Variants in ATP11B observed in about 807,000 individuals in gnomAD.
ATP11B encodes phospholipid-transporting ATPase IF.
A neutral mutation model predicts 157.8 loss-of-function variants in ATP11B; 81 were observed. The observed-to-expected ratio is 0.51, with a 90% confidence interval of 0.43 to 0.62. The LOEUF is 0.62. ATP11B is among the 20% of genes least tolerant of loss of function. The pLI, the probability that ATP11B is intolerant of heterozygous loss-of-function variation, is 0.00. For missense variants in ATP11B, 1,165 were observed against 1,402.2 expected (o/e 0.83, Z 2.70); for synonymous variants, 451 against 469.4 (o/e 0.96, Z 0.51).
At chr3:182,916,725 T>A (rs1725165967) in intron 29 of ATP11B, 7 of 983,896 alleles carry the variant, frequency 7.1e-6, no homozygotes, top group East Asian at 1.1e-4. Context: ...TGAAAAAAAA[T>A]TTAAAATGAA....
chr3:182,829,626 C>A, intron 3 of ATP11B, 46 bp from the exon 4 acceptor site: 1 of 1,293,276 alleles, frequency 7.7e-7, no homozygotes, highest in Non-Finnish European at 1.1e-6. Flanking sequence ...GTGTGATGTG[C>A]ACAATATAAA....
intron 17 of ATP11B, among the ~76,000 whole-genome samples, chr3:182,870,703 G>A (rs1041579459): frequency 1.3e-5 from 2 of 152,112 alleles, no homozygotes; most frequent in Admixed American, 1.3e-4. Flanking sequence ...GCTGGGCGCG[G>A]TGGCTCACAC....
At chr3:182,899,461 T>C (rs1262557034) in intron 28 of ATP11B, among the ~76,000 whole-genome samples, 2 of 152,144 alleles carry the variant, frequency 1.3e-5, no homozygotes, top group African/African-American at 4.8e-5. Context: ...GAGTAATATT[T>C]TTTCTGATTA....
At chr3:182,916,647 A>G (rs993583357) in intron 29 of ATP11B, 1 of 983,612 alleles carries the variant, frequency 1.0e-6, no homozygotes, top group African/African-American at 1.7e-5. Context: ...ATAGAAAGTA[A>G]TATGTAGTTC....
At chr3:182,842,150 A>C in intron 8 of ATP11B, 28 bp downstream of exon 8, 2 of 1,515,942 alleles carry the variant, frequency 1.3e-6, no homozygotes, top group Non-Finnish European at 1.8e-6. Context: ...TTATCTAATT[A>C]CCTTTAAATG....
chr3:182,847,086 T>C lies in ATP11B; in HGVS notation c.770-1390T>C, dbSNP rs567359144. On this transcript the variant is annotated intron_variant, in intron 9 of 29. Coordinates refer to ENST00000323116, the MANE Select transcript of ATP11B (RefSeq NM_014616.3). The stretch of plus-strand genomic sequence containing the variant: ...TTTTTTTTTTGAGACATGGTTACTC[T>C]GTTGCCCAGGCTGGAGTATAGTTGC... 1.8e-4 allele frequency among the ~76,000 whole-genome samples: 27 copies of C among 150,952 alleles called. No homozygotes were observed. In the South Asian group the frequency reaches 5.7e-3, roughly 32 times the overall value.
In ATP11B at chr3:182,870,702, G is replaced by A. The variant is rs75495531; in HGVS notation, c.1866+1371G>A. On this transcript the variant is annotated intron_variant, in intron 17 of 29. Coordinates refer to ENST00000323116, the MANE Select transcript of ATP11B (RefSeq NM_014616.3). ...AAATCTGCTAAATAGGGCTGGGCGC[G>A]GTGGCTCACACCTGTAATCCCAGCA... Among the ~76,000 whole-genome samples, 844 of 152,084 alleles carry A rather than the reference G, an allele frequency of 5.5e-3. 5 individuals are homozygous for A. The highest frequency in any genetic ancestry group is 0.018 in the African/African-American group (762 of 41,480).
At chr3:182,840,470 G>A (rs569718243) in intron 7 of ATP11B, among the ~76,000 whole-genome samples, 1 of 151,390 alleles carries the variant, frequency 6.6e-6, no homozygotes, top group Admixed American at 6.6e-5. Flanking sequence ...CTCTATCCCA[G>A]ACTTCTTTCC....
chr3:182,820,473 C>T (rs1482764120), intron 2 of ATP11B, 97 bp downstream of exon 2: 4 of 826,542 alleles, frequency 4.8e-6, no homozygotes, highest in Non-Finnish European at 8.0e-6. Context: ...CGGTTAAGCC[C>T]AGGAGTTTGC....
chr3:182,904,212 C>G (rs946632292), intron 28 of ATP11B, among the ~76,000 whole-genome samples: 2 of 152,188 alleles, frequency 1.3e-5, no homozygotes, highest in African/African-American at 4.8e-5. Context: ...CACCTCTGGG[C>G]CTCCAGGTTC....
intron 2 of ATP11B, among the ~76,000 whole-genome samples, chr3:182,822,762 C>T (rs1456730441): frequency 1.3e-5 from 2 of 152,334 alleles, no homozygotes; most frequent in African/African-American, 4.8e-5. Flanking sequence ...TATTTCTCCA[C>T]ATCCTCTCCA....
In ATP11B at chr3:182,836,354, G is replaced by A. The variant is rs1159387053; in HGVS notation, c.436G>A (p.Val146Ile). ...AAATTCTTTATAGGTGGGTGATATT[G>A]TTCGAATAGCCAAAGATGAAATTTT... is the stretch of plus-strand genomic sequence containing the variant. Reference protein sequence around the residue: ...RSKNIRVGDIVRIAKDEIFPA... With the variant: ...RSKNIRVGDIIRIAKDEIFPA... Residue 146 changes from valine to isoleucine, a missense_variant, in exon 6 of 30, where the codon GTT becomes ATT. Val to Ile is a conservative substitution (Grantham distance 29). Coordinates refer to ENST00000323116, the MANE Select transcript of ATP11B (RefSeq NM_014616.3). 6.2e-7 allele frequency: 1 copy of A among 1,613,752 alleles called. No homozygotes were observed. Among genetic ancestry groups the A allele is most frequent in the East Asian group, 2.2e-5 (1 of 44,874 alleles).
At position 182,852,373 on chromosome 3, in the gene ATP11B, C is replaced by T. The variant is rs373028351; in HGVS notation, c.851+3816C>T. Among the ~76,000 whole-genome samples, 9 of 152,210 alleles carry T rather than the reference C, an allele frequency of 5.9e-5. No homozygotes were observed. In the East Asian group the frequency reaches 1.4e-3, roughly 23 times the overall value. Reference sequence around the variant, plus strand: ...ATAAGAGAAAAAAACTAAAAAATTACGAATGTCAGGGATGAAAGAGGGGAT... The same window carrying T: ...ATAAGAGAAAAAAACTAAAAAATTATGAATGTCAGGGATGAAAGAGGGGAT... On this transcript the variant is annotated intron_variant, in intron 10 of 29. Coordinates refer to ENST00000323116, the MANE Select transcript of ATP11B (RefSeq NM_014616.3).
At chr3:182,812,664 A>G (rs552918242) in intron 1 of ATP11B, among the ~76,000 whole-genome samples, 13 of 152,342 alleles carry the variant, frequency 8.5e-5, no homozygotes, top group Admixed American at 2.0e-4. Context: ...CCTGATGCAG[A>G]AAGTCCACAG....
rs542566879 is a variant in ATP11B, at chr3:182,861,299, A to G, written c.1200+1940A>G. 8.5e-5 allele frequency among the ~76,000 whole-genome samples: 13 copies of G among 152,338 alleles called. No homozygotes were observed. The East Asian group carries it at 2.1e-3, about 25-fold the overall frequency. On this transcript the variant is annotated intron_variant, in intron 12 of 29. Transcript: ENST00000323116. ...AGGCTGGTCTCAAACTCCCGACCTC[A>G]GGTGATCCTCCCACCTTGGCCTCCC...
At chr3:182,862,980 A>G (rs942415094) in intron 12 of ATP11B, among the ~76,000 whole-genome samples, 1 of 151,690 alleles carries the variant, frequency 6.6e-6, no homozygotes, top group South Asian at 2.1e-4. Flanking sequence ...CAGTGGTGCA[A>G]TCTCGGCTCA....
intron 10 of ATP11B, among the ~76,000 whole-genome samples, chr3:182,856,892 G>A (rs776561351): frequency 6.6e-6 from 1 of 152,116 alleles, no homozygotes; most frequent in African/African-American, 2.4e-5. Context: ...ATATTTGTTG[G>A]ATGTGAGAGT....
intron 18 of ATP11B, among the ~76,000 whole-genome samples, 191 bp from the exon 19 acceptor site, chr3:182,873,621 C>T (rs116544474): frequency 0.01 from 1,584 of 152,292 alleles, 27 homozygotes; most frequent in African/African-American, 0.035. Context: ...GTTAACCAGA[C>T]AATTACCAAT....
At chr3:182,903,278 CTT>C (rs1389051053) in intron 28 of ATP11B, among the ~76,000 whole-genome samples, 4 of 152,104 alleles carry the variant, frequency 2.6e-5, no homozygotes, top group Non-Finnish European at 5.9e-5. Flanking sequence ...GAAATTGACA[CTT>C]TTCCATTTCT....
Sources: allele counts gnomAD v4.1 joint callset (sites outside exome capture counted in the v4.1 genomes callset), GRCh38; gene constraint gnomAD v4.1.1; transcripts MANE v1.5; gene names NCBI Gene and HGNC (gene_info 2026-07-23, HGNC 2026-07-21).